Variants in ETS1 observed in about 807,000 individuals in gnomAD.
The protein encoded by ETS1 is ETS proto-oncogene 1, transcription factor, also known as protein C-ets-1.
ETS1 carries 15 observed loss-of-function variants against 58.6 expected under a neutral mutation model. That is an observed-to-expected ratio of 0.26 (90% CI 0.17 to 0.39). ETS1 has a LOEUF of 0.39. Ranked by LOEUF, ETS1 falls within the 10% of genes least tolerant of loss-of-function variation. The pLI, the probability that ETS1 is intolerant of heterozygous loss-of-function variation, is 1.00. For missense variants in ETS1, 417 were observed against 610.5 expected, an observed-to-expected ratio of 0.68 and a Z score of 3.34; for synonymous variants, 214 against 218.2, an observed-to-expected ratio of 0.98 and a Z score of 0.17.
chr11:128,474,861 C>T (rs1337481465), intron 8 of ETS1, among the ~76,000 whole-genome samples: 1 of 152,212 alleles, frequency 6.6e-6, no homozygotes, highest in Non-Finnish European at 1.5e-5. Flanking sequence ...AAGCTCTTTT[C>T]CTCTTATCCA....
intron 5 of ETS1, among the ~76,000 whole-genome samples, chr11:128,487,758 A>C (rs1472835914): frequency 2.0e-5 from 3 of 152,092 alleles, no homozygotes; most frequent in African/African-American, 7.2e-5. Context: ...ATAAAATAAA[A>C]TAAAATAAAA....
intron 2 of ETS1, among the ~76,000 whole-genome samples, chr11:128,560,690 C>T (rs1864391505): frequency 6.6e-6 from 1 of 152,214 alleles, no homozygotes; most frequent in Non-Finnish European, 1.5e-5. Flanking sequence ...TGGCAATGTG[C>T]ATTCATGGAC....
At chr11:128,539,328 G>A (rs372679659) in intron 3 of ETS1, among the ~76,000 whole-genome samples, 11 of 152,158 alleles carry the variant, frequency 7.2e-5, no homozygotes, top group Admixed American at 2.0e-4. Context: ...TTCAGAATAT[G>A]TAAAGAACTC....
intron 1 of ETS1, among the ~76,000 whole-genome samples, chr11:128,581,550 C>T (rs906439992): frequency 1.3e-5 from 2 of 151,966 alleles, no homozygotes; most frequent in Admixed American, 6.6e-5. Flanking sequence ...TGTTTTACTT[C>T]GAACCTCAAA....
At chr11:128,533,429 C>T (rs576838445) in intron 3 of ETS1, among the ~76,000 whole-genome samples, 4 of 152,240 alleles carry the variant, frequency 2.6e-5, no homozygotes, top group Admixed American at 1.3e-4. Flanking sequence ...TACTCCTCAC[C>T]GCCAAACAGA....
intron 1 of ETS1, among the ~76,000 whole-genome samples, chr11:128,584,572 A>G (rs1010060079): frequency 3.3e-5 from 5 of 152,202 alleles, no homozygotes; most frequent in African/African-American, 9.7e-5. Context: ...AGTAAACGTT[A>G]GGGCTGAGTA....
chr11:128,556,118 G>A (rs554566346), intron 3 of ETS1, among the ~76,000 whole-genome samples, 173 bp downstream of exon 3: 3 of 152,276 alleles, frequency 2.0e-5, no homozygotes, highest in South Asian at 2.1e-4. Context: ...TTCCTGTCGG[G>A]GAATAAAGTA....
At chr11:128,476,355 C>T (rs1411947933) in intron 8 of ETS1, among the ~76,000 whole-genome samples, 1 of 152,242 alleles carries the variant, frequency 6.6e-6, no homozygotes, top group African/African-American at 2.4e-5. Flanking sequence ...AGGTCCTAAT[C>T]AGTCTAGGCA....
chr11:128,584,797 T>G (rs1443624182), intron 1 of ETS1, among the ~76,000 whole-genome samples: 2 of 150,756 alleles, frequency 1.3e-5, no homozygotes, highest in African/African-American at 4.9e-5. Context: ...CATACCACAT[T>G]AATTTTGCTC....
chr11:128,578,840 A>G (rs1175586858), intron 1 of ETS1, among the ~76,000 whole-genome samples: 2 of 152,200 alleles, frequency 1.3e-5, no homozygotes, highest in Non-Finnish European at 2.9e-5. Context: ...CAAGTATTCT[A>G]TTGTATGTAT....
At chr11:128,515,596 ACTCGGGTGGCC>A (rs1863502137) in intron 3 of ETS1, among the ~76,000 whole-genome samples, 1 of 152,124 alleles carries the variant, frequency 6.6e-6, no homozygotes, top group Non-Finnish European at 1.5e-5. Context: ...TTAGTGTCTA[ACTCGGGTGGCC>A]CTCATCTGTG....
chr11:128,582,024 T>C (rs187619070), intron 1 of ETS1, among the ~76,000 whole-genome samples: 1 of 152,346 alleles, frequency 6.6e-6, no homozygotes, highest in African/African-American at 2.4e-5. Flanking sequence ...TCATTTGTTT[T>C]ATTACCCGAA....
chr11:128,513,951 T>A (rs932028065), intron 3 of ETS1, among the ~76,000 whole-genome samples: 1 of 152,138 alleles, frequency 6.6e-6, no homozygotes. Context: ...ATGATACTAA[T>A]GCATCACACA....
At chr11:128,555,786 C>T (rs182570000) in intron 3 of ETS1, among the ~76,000 whole-genome samples, 3 of 152,284 alleles carry the variant, frequency 2.0e-5, no homozygotes, top group Admixed American at 2.0e-4. Context: ...GACTCCCACT[C>T]ACCAGAGGGC....
At chr11:128,467,978 G>A (rs1297555923) in intron 8 of ETS1, among the ~76,000 whole-genome samples, 1 of 152,152 alleles carries the variant, frequency 6.6e-6, no homozygotes, top group African/African-American at 2.4e-5. Flanking sequence ...TCAGGCGGCT[G>A]CAGGGGAATT....
chr11:128,474,320 A>C (rs187937139), intron 8 of ETS1, among the ~76,000 whole-genome samples: 14 of 152,326 alleles, frequency 9.2e-5, no homozygotes, highest in Middle Eastern at 6.8e-3. Flanking sequence ...TGCTTCAGCC[A>C]GTTGTGGTCT....
chr11:128,531,045 T>A (rs1038052530), intron 3 of ETS1, among the ~76,000 whole-genome samples: 1 of 152,228 alleles, frequency 6.6e-6, no homozygotes. Context: ...AAATAGTCCA[T>A]ACAAAAACCT....
intron 3 of ETS1, among the ~76,000 whole-genome samples, chr11:128,498,435 T>C (rs113763950): frequency 0.022 from 3,369 of 152,236 alleles, 129 homozygotes; most frequent in African/African-American, 0.077. Context: ...AATAGACTAA[T>C]TTCTTACCTA....
intron 3 of ETS1, among the ~76,000 whole-genome samples, chr11:128,520,909 A>G (rs1451601794): frequency 6.6e-6 from 1 of 152,238 alleles, no homozygotes; most frequent in Non-Finnish European, 1.5e-5. Flanking sequence ...ATAATCAGAT[A>G]CAACAGAGGA....
Sources: gnomAD v4.1 joint callset for allele counts (sites outside exome capture counted in the v4.1 genomes callset) on GRCh38, gnomAD v4.1.1 for gene constraint, MANE v1.5 for transcripts, NCBI Gene and HGNC (gene_info 2026-07-23, HGNC 2026-07-21) for gene names.